The following CEP20 variants were observed in gnomAD, a reference collection of about 807,000 sequenced individuals.
CEP20 encodes the protein centrosomal protein 20, also known as FGFR1OP N-terminal like.
A neutral mutation model predicts 20.0 loss-of-function variants in CEP20; 18 were observed. The observed-to-expected ratio is 0.90, with a 90% CI of 0.62 to 1.34. CEP20 has a LOEUF of 1.34. CEP20 is among the 40% of genes most tolerant of loss of function. The pLI is 0.00. For missense variants in CEP20, 215 were observed against 201.6 expected (o/e 1.07, Z -0.40); for synonymous variants, 77 against 73.7 (o/e 1.04, Z -0.23).
rs140526629 is a variant in CEP20 at position 15,888,531 on chromosome 16, T to C, written c.28+27A>G. 8.3e-4 allele frequency: 1,338 copies of C among 1,614,028 alleles called. 13 individuals are homozygous for C. The African/African-American group carries it at 0.015, about 18-fold the overall frequency. Reference sequence around the variant, plus strand: ...CAAGATGAAGGCCCGACGCTTCCCATGTGGAGGCCTCCCTGCTCGCACTCA... The same window carrying C: ...CAAGATGAAGGCCCGACGCTTCCCACGTGGAGGCCTCCCTGCTCGCACTCA... On this transcript the variant is annotated intron_variant, in intron 1 of 4. Transcript: ENST00000255759.
chr16:15,873,725 A>G (rs891964091), intron 3 of CEP20, 98 bp from the exon 4 acceptor site: 1 of 1,317,712 alleles, frequency 7.6e-7, no homozygotes, highest in African/African-American at 1.5e-5. Context: ...AACCTCTGAC[A>G]TCAAAAAGAC....
intron 2 of CEP20, among the ~76,000 whole-genome samples, chr16:15,882,527 AAAACAAAC>A (rs71134479): frequency 3.3e-4 from 49 of 147,894 alleles, no homozygotes; most frequent in East Asian, 4.1e-4. Context: ...ACTCTGTCTC[AAAACAAAC>A]AAACAAACAA....
At position 15,867,464 on chromosome 16, in the gene CEP20, A is replaced by G; in HGVS notation, c.501T>C (p.His167=). The G allele has an allele frequency of 6.2e-7, 1 of 1,602,574 alleles. No homozygotes were observed. ...ATTATCTGTTGACTGCCTGAGAAAC[A>G]TGAAGATCTTCAATGTTAGTACTTT... ...EQKSTNIEDL[H]VSQAVNR Residue 167 remains histidine, a synonymous_variant, in exon 5 of 5, where the codon CAT becomes CAC. Coordinates refer to ENST00000255759, the MANE Select transcript of CEP20 (RefSeq NM_144600.4).
intron 2 of CEP20, among the ~76,000 whole-genome samples, chr16:15,882,094 T>C (rs1010945841): frequency 6.6e-6 from 1 of 152,184 alleles, no homozygotes; most frequent in Admixed American, 6.5e-5. Context: ...AGGTCATTTA[T>C]AAGTGTGTGG....
In CEP20 at chr16:15,865,851, G is replaced by C. The variant is rs534862412; in HGVS notation, c.*1589C>G. 2 of 152,214 alleles carry C rather than the reference G, an allele frequency of 1.3e-5. No individual in the cohort carries two copies. Among genetic ancestry groups the C allele is most frequent in the African/African-American group, 4.8e-5 (2 of 41,530 alleles). 9.4% of individuals were successfully genotyped at this position (152,214 alleles called of 1,614,324 possible). On this transcript the variant is annotated 3_prime_UTR_variant, in exon 5 of 5. Coordinates refer to ENST00000255759, the MANE Select transcript of CEP20 (RefSeq NM_144600.4). ...GACAATTCTGCTTAACTTCCATCTTGATGATTTTATATCAGTATCCAAAAT... is the reference window on the plus strand; with the variant it reads ...GACAATTCTGCTTAACTTCCATCTTCATGATTTTATATCAGTATCCAAAAT...
chr16:15,883,256 A>G (rs12599051), intron 2 of CEP20, among the ~76,000 whole-genome samples: 10,512 of 152,046 alleles, frequency 0.069, 481 homozygotes, highest in East Asian at 0.22. Flanking sequence ...CCAGCTACTC[A>G]GGAGACTGAC....
intron 3 of CEP20, among the ~76,000 whole-genome samples, chr16:15,877,654 G>T (rs1387976500): frequency 1.3e-5 from 2 of 152,142 alleles, no homozygotes; most frequent in Non-Finnish European, 2.9e-5. Context: ...GCGTATGCCT[G>T]TAATTCCAGC....
chr16:15,885,403 T>C (rs1182437141), intron 1 of CEP20, among the ~76,000 whole-genome samples: 1 of 152,070 alleles, frequency 6.6e-6, no homozygotes, highest in East Asian at 1.9e-4. Context: ...TTTTTCATTG[T>C]TGTTATTTTG....
rs71388769 is a variant in CEP20 at position 15,882,784 on chromosome 16, T to TACACACACACACAC, written c.226+1210_226+1223dup. Among the ~76,000 whole-genome samples, 13 of 149,864 alleles carry TACACACACACACAC rather than the reference T, an allele frequency of 8.7e-5. No individual in the cohort carries two copies. In the East Asian group the frequency reaches 9.8e-4, roughly 11 times the overall value. Reference sequence around the variant, plus strand: ...CTATCTATCTATCTATCTATCTAGATACACACACACACACACACAAATAGA... The same window carrying TACACACACACACAC: ...CTATCTATCTATCTATCTATCTAGATACACACACACACACACACACACACACACACACAAATAGA... On this transcript the variant is annotated intron_variant, in intron 2 of 4. Coordinates refer to ENST00000255759, the MANE Select transcript of CEP20 (RefSeq NM_144600.4).
chr16:15,882,762 T>TACACACACACACA (rs1312550555), intron 2 of CEP20, among the ~76,000 whole-genome samples: 58 of 118,780 alleles, frequency 4.9e-4, no homozygotes, highest in African/African-American at 1.9e-3. Flanking sequence ...TATCTATCTA[T>TACACACACACACA]CTATCTATCT....
At chr16:15,875,315 G>A (rs971376129) in intron 3 of CEP20, among the ~76,000 whole-genome samples, 2 of 152,174 alleles carry the variant, frequency 1.3e-5, no homozygotes, top group Non-Finnish European at 2.9e-5. Context: ...ATTTTTAAAT[G>A]TTAAAAGTTT....
At chr16:15,879,119 G>C (rs1038823186) in intron 3 of CEP20, among the ~76,000 whole-genome samples, 1 of 151,474 alleles carries the variant, frequency 6.6e-6, no homozygotes, top group African/African-American at 2.4e-5. Context: ...TCCTTTTCAA[G>C]AGCATAGTTG....
intron 1 of CEP20, among the ~76,000 whole-genome samples, chr16:15,887,243 G>A (rs2045267265): frequency 6.6e-6 from 1 of 151,498 alleles, no homozygotes; most frequent in Non-Finnish European, 1.5e-5. Context: ...TATTACATGT[G>A]ATGTGTATTT....
At chr16:15,885,887 G>T (rs2045233227) in intron 1 of CEP20, 1 of 152,198 alleles carries the variant, frequency 6.6e-6, no homozygotes, top group Non-Finnish European at 1.5e-5. Context: ...CATGGGATTT[G>T]GCTGTACATA....
Position 15,882,731 on chromosome 16 carries a change from ATATCTATCTATCTATC to A in CEP20, c.226+1261_226+1276del, listed in dbSNP as rs68035220. On this transcript the variant is annotated intron_variant, in intron 2 of 4. Transcript: ENST00000255759. ...AATATTTCAAAGTTTTATCTCCATTATATCTATCTATCTATCTATCTATCTATCTATCTATCTATCT... is the reference window on the plus strand; with the variant it reads ...AATATTTCAAAGTTTTATCTCCATTATATCTATCTATCTATCTATCTATCT... 1.8e-3 allele frequency among the ~76,000 whole-genome samples: 259 copies of A among 145,660 alleles called. 1 individual carries two copies. Among genetic ancestry groups the A allele is most frequent in the Middle Eastern group, 0.017 (5 of 288 alleles).
chr16:15,868,155 G>T (rs1390892568), intron 4 of CEP20, among the ~76,000 whole-genome samples: 2 of 152,020 alleles, frequency 1.3e-5, no homozygotes, highest in African/African-American at 4.8e-5. Context: ...AGGACAAGGT[G>T]TTCAATCAGC....
rs1290810042 is a variant in CEP20 at position 15,879,802 on chromosome 16, A to G, written c.311+2T>C. On this transcript the variant is annotated splice_donor_variant, in intron 3 of 4. Transcript: ENST00000255759. LOFTEE classifies it high-confidence loss of function. ...GGAAACTTCTTTAAAAAAATGTCTT[A>G]CATTGTATTATCCTTTGATTCTTCA... The G allele has an allele frequency of 7.0e-6, 11 of 1,562,568 alleles. No individual in the cohort carries two copies. Among genetic ancestry groups the G allele is most frequent in the Non-Finnish European group, 8.7e-7 (1 of 1,154,008 alleles).
At chr16:15,873,763 G>T (rs72773967) in intron 3 of CEP20, 136 bp from the exon 4 acceptor site, 59,775 of 1,009,666 alleles carry the variant, frequency 0.059, 2,359 homozygotes, top group East Asian at 0.2. Context: ...TTTAAAAAGC[G>T]GCATGATTAT....
rs15784 is a variant in CEP20 at position 15,867,494 on chromosome 16, T to C, written c.471A>G (p.Glu157=). ...KPMDDHLRKE[E]QKSTNIEDLH... ...GATCTTCAATGTTAGTACTTTTCTGTTCCTCCTTTCTTAGGTGGTCATCTG... is the reference window on the plus strand; with the variant it reads ...GATCTTCAATGTTAGTACTTTTCTGCTCCTCCTTTCTTAGGTGGTCATCTG... Residue 157 remains glutamate, a synonymous_variant, in exon 5 of 5, where the codon GAA becomes GAG. Coordinates refer to ENST00000255759, the MANE Select transcript of CEP20 (RefSeq NM_144600.4). 87,484 of 1,594,508 alleles carry C rather than the reference T, an allele frequency of 0.055. 3,353 individuals carry two copies. Among genetic ancestry groups the C allele is most frequent in the East Asian group, 0.2 (8,758 of 44,144 alleles).
Sources: allele counts gnomAD v4.1 joint callset (sites outside exome capture counted in the v4.1 genomes callset), GRCh38; gene constraint gnomAD v4.1.1; transcripts MANE v1.5; gene names NCBI Gene and HGNC (gene_info 2026-07-23, HGNC 2026-07-21).